Variants in SBF2 observed in about 807,000 individuals in gnomAD.
The protein encoded by SBF2 is SET binding factor 2.
In SBF2, 112 loss-of-function variants were observed where a neutral mutation model predicts 225.2. That is an observed-to-expected ratio of 0.50 (90% confidence interval 0.43 to 0.58). The LOEUF (loss-of-function observed/expected upper bound fraction) is 0.58, where lower values mean the gene tolerates loss of function less well. Among genes scored for constraint, SBF2 ranks in the 20% least tolerant of loss-of-function variants. The pLI is 0.00. For synonymous variants in SBF2, 763 were observed against 773.3 expected, an observed-to-expected ratio of 0.99 and a Z score of 0.22; for missense variants, 1,996 against 2,206.2, an observed-to-expected ratio of 0.90 and a Z score of 1.91.
intron 14 of SBF2, 135 bp from the exon 15 acceptor site, chr11:9,964,017 G>A: frequency 3.1e-6 from 2 of 635,802 alleles, no homozygotes; most frequent in South Asian, 3.6e-5. Flanking sequence ...TTGGGAGGCT[G>A]AGGTGGGATG....
intron 1 of SBF2, among the ~76,000 whole-genome samples, chr11:10,280,083 T>TC (rs1297175425): frequency 8.5e-5 from 13 of 152,186 alleles, no homozygotes; most frequent in African/African-American, 2.9e-4. Context: ...TGGTTGAGCA[T>TC]CCCTAATTCA....
chr11:10,149,047 T>C (rs901737364), intron 2 of SBF2: 1 of 152,236 alleles, frequency 6.6e-6, no homozygotes, highest in African/African-American at 2.4e-5. Flanking sequence ...AGTTCCAAGT[T>C]TCTCTAGCAA....
At chr11:9,813,309 A>C (rs954618858) in intron 29 of SBF2, among the ~76,000 whole-genome samples, 2 of 152,200 alleles carry the variant, frequency 1.3e-5, no homozygotes, top group African/African-American at 2.4e-5. Context: ...TTACTGCCCC[A>C]AGACTACCAA....
chr11:10,184,209 T>C (rs1040223036), intron 2 of SBF2, among the ~76,000 whole-genome samples: 14 of 152,150 alleles, frequency 9.2e-5, no homozygotes, highest in African/African-American at 3.4e-4. Flanking sequence ...AGAAATAAAT[T>C]CATGATATAT....
chr11:9,989,445 A>T, intron 13 of SBF2, 52 bp downstream of exon 13: 1 of 1,146,756 alleles, frequency 8.7e-7, no homozygotes, highest in Non-Finnish European at 1.3e-6. Flanking sequence ...CTTACGGAAA[A>T]ATAAATAAAT....
rs998474277 is a variant in SBF2, at chr11:10,029,811, A to G, written c.467T>C (p.Ile156Thr). Residue 156 changes from isoleucine (I) to threonine (T), a missense_variant, in exon 5 of 40, where the codon ATT (isoleucine) becomes ACT (threonine). Transcript: ENST00000256190. ...DSLNVSLESLIANLCACLVPA... is the reference protein window; with the variant it reads ...DSLNVSLESLTANLCACLVPA... ...GACAAGGCAGGCACAAAGGTTTGCA[A>G]TTAGACTTTCCAAGGAGACATTCAG... is the stretch of plus-strand genomic sequence containing the variant. The G allele has an allele frequency of 6.2e-7, 1 of 1,614,022 alleles. No homozygotes were observed. The highest frequency in any genetic ancestry group is 8.5e-7 in the Non-Finnish European group (1 of 1,179,898).
At chr11:10,292,192 T>A (rs1964200128) in intron 1 of SBF2, among the ~76,000 whole-genome samples, 1 of 152,114 alleles carries the variant, frequency 6.6e-6, no homozygotes. Context: ...CTAGATGGAG[T>A]ACTGTATCAC....
chr11:10,159,003 G>A (rs1229493161), intron 2 of SBF2, among the ~76,000 whole-genome samples: 1 of 151,442 alleles, frequency 6.6e-6, no homozygotes, highest in Non-Finnish European at 1.5e-5. Context: ...AAATAATAAA[G>A]TCTATATATG....
intron 2 of SBF2, among the ~76,000 whole-genome samples, chr11:10,116,117 C>T (rs555299971): frequency 1.3e-5 from 2 of 152,124 alleles, no homozygotes; most frequent in South Asian, 2.1e-4. Context: ...TGCCGTGAGC[C>T]GAGATCACGC....
chr11:10,154,064 T>C (rs1049757390), intron 2 of SBF2, among the ~76,000 whole-genome samples: 1 of 152,132 alleles, frequency 6.6e-6, no homozygotes, highest in Admixed American at 6.5e-5. Context: ...AGTATTAAAC[T>C]ATTTTAATCA....
In SBF2 at chr11:10,145,828, C is replaced by T. The variant is rs1459401764; in HGVS notation, c.141+48074G>A. On this transcript the variant is annotated intron_variant, in intron 2 of 39. Transcript: ENST00000256190. ...ATGATTCTACACCTAGGAAATGTCA[C>T]GGTCTTGGCCCAAAAGTTCCTTCAG... Among the ~76,000 whole-genome samples the T allele has an allele frequency of 2.0e-5, 3 of 152,140 alleles. No homozygotes were observed. In the East Asian group the frequency reaches 5.8e-4, roughly 29 times the overall value.
intron 16 of SBF2, among the ~76,000 whole-genome samples, chr11:9,920,778 C>T (rs1021961546): frequency 9.2e-5 from 14 of 152,158 alleles, no homozygotes; most frequent in African/African-American, 2.4e-4. Flanking sequence ...TGCCCTGTAC[C>T]GTTATTTCAG....
intron 13 of SBF2, among the ~76,000 whole-genome samples, chr11:9,986,166 C>T (rs1263684781): frequency 6.6e-6 from 1 of 152,076 alleles, no homozygotes; most frequent in East Asian, 1.9e-4. Context: ...ATTTAAATAA[C>T]CTGCTCCTGA....
intron 16 of SBF2, among the ~76,000 whole-genome samples, chr11:9,900,324 C>G (rs1056417046): frequency 6.6e-6 from 1 of 152,060 alleles, no homozygotes; most frequent in African/African-American, 2.4e-5. Context: ...ATAAAGCAAC[C>G]TTTTTCGATT....
At chr11:9,910,210 T>C (rs756416283) in intron 16 of SBF2, among the ~76,000 whole-genome samples, 15 of 152,182 alleles carry the variant, frequency 9.9e-5, no homozygotes, top group Non-Finnish European at 1.8e-4. Context: ...CATATGACTA[T>C]AATGGAGCTG....
intron 1 of SBF2, among the ~76,000 whole-genome samples, chr11:10,290,060 T>A (rs983886713): frequency 6.6e-6 from 1 of 152,188 alleles, no homozygotes; most frequent in Non-Finnish European, 1.5e-5. Flanking sequence ...AGAAGAATTA[T>A]CCCAAGTTAA....
chr11:10,285,612 T>C (rs1185985424), intron 1 of SBF2, among the ~76,000 whole-genome samples: 2 of 152,208 alleles, frequency 1.3e-5, no homozygotes, highest in African/African-American at 4.8e-5. Context: ...TTCATCCTCT[T>C]CATTTACATA....
chr11:9,903,391 T>C (rs1262153747), intron 16 of SBF2, among the ~76,000 whole-genome samples: 1 of 151,934 alleles, frequency 6.6e-6, no homozygotes, highest in Non-Finnish European at 1.5e-5. Flanking sequence ...AATAAATGTG[T>C]TAGTGGTGGC....
chr11:9,796,766 C>A (rs1207401768), intron 32 of SBF2, among the ~76,000 whole-genome samples: 2 of 152,054 alleles, frequency 1.3e-5, no homozygotes, highest in African/African-American at 4.8e-5. Context: ...GGAGCTAATG[C>A]CTTTTAGCCC....
Sources: gnomAD v4.1 joint callset for allele counts (sites outside exome capture counted in the v4.1 genomes callset) on GRCh38, gnomAD v4.1.1 for gene constraint, MANE v1.5 for transcripts, NCBI Gene and HGNC (gene_info 2026-07-23, HGNC 2026-07-21) for gene names.